Variants in PPP1R16B observed in about 807,000 individuals in gnomAD.
The protein encoded by PPP1R16B is protein phosphatase 1 regulatory subunit 16B.
In PPP1R16B, 14 loss-of-function variants were observed where a neutral mutation model predicts 61.7. The ratio of observed to expected loss-of-function variants is 0.23; its 90% CI spans 0.15 to 0.35. The LOEUF (loss-of-function observed/expected upper bound fraction) is 0.35, where lower values mean the gene tolerates loss of function less well. Ranked by LOEUF, PPP1R16B falls within the 10% of genes least tolerant of loss-of-function variation. The pLI, the probability that PPP1R16B is intolerant of heterozygous loss-of-function variation, is 1.00. For synonymous variants in PPP1R16B, 266 were observed against 305.3 expected, an observed-to-expected ratio of 0.87 and a Z score of 1.34; for missense variants, 547 against 752.5, an observed-to-expected ratio of 0.73 and a Z score of 3.19.
chr20:38,912,503 CAAA>C (rs58456397), intron 10 of PPP1R16B, among the ~76,000 whole-genome samples: 20 of 80,998 alleles, frequency 2.5e-4, no homozygotes, highest in African/African-American at 2.7e-4. Context: ...TACCCCCCAC[CAAA>C]AAAAAAAAAA....
rs117854622 is a variant in PPP1R16B, at chr20:38,835,429, T to A, written c.-101-396T>A. ...CAAGAAAACTAAAATGGCATGGTTC[T>A]TGTTAAATAGCTGTGGCTAGAGAGG... is the stretch of plus-strand genomic sequence containing the variant. On this transcript the variant is annotated intron_variant, in intron 1 of 10. Coordinates refer to ENST00000299824, the MANE Select transcript of PPP1R16B (RefSeq NM_015568.4). Among the ~76,000 whole-genome samples, 590 of 152,354 alleles carry A rather than the reference T, an allele frequency of 3.9e-3. 17 individuals are homozygous for A. In the East Asian group the frequency reaches 0.072, roughly 19 times the overall value.
chr20:38,899,018 C>A (rs945241754), intron 4 of PPP1R16B, among the ~76,000 whole-genome samples: 8 of 152,108 alleles, frequency 5.3e-5, no homozygotes, highest in Non-Finnish European at 1.5e-5. Context: ...AGAGCCAGAC[C>A]AGGGGGCTGA....
chr20:38,900,293 A>G (rs2085381449), intron 4 of PPP1R16B, among the ~76,000 whole-genome samples: 1 of 152,208 alleles, frequency 6.6e-6, no homozygotes, highest in Admixed American at 6.5e-5. Context: ...TCTGTCCCTA[A>G]GTCCCTGCCT....
intron 4 of PPP1R16B, among the ~76,000 whole-genome samples, chr20:38,897,932 A>G (rs758626045): frequency 2.6e-5 from 4 of 152,146 alleles, no homozygotes; most frequent in Non-Finnish European, 4.4e-5. Flanking sequence ...TCCTTTGTCC[A>G]TGTTTGAACT....
Position 38,918,253 on chromosome 20 carries a change from C to T in PPP1R16B, c.1291C>T (p.Pro431Ser), listed in dbSNP as rs2085557823. ...DMPVENGLRA[P>S]VSAYQYALAN... ...GCCTGTTGAGAATGGCCTCCGGGCT[C>T]CGGTCAGTGCCTACCAGTATGCGCT... Residue 431 changes from proline to serine, a missense_variant, in exon 11 of 11, where the codon CCG becomes TCG. Transcript: ENST00000299824. This position sits in a 1 kb window ranked among gnomAD's most constrained non-coding sequence, Gnocchi z 5.3. The T allele has an allele frequency of 6.2e-7, 1 of 1,614,124 alleles. No homozygotes were observed. The highest frequency in any genetic ancestry group is 1.3e-5 in the African/African-American group (1 of 74,944).
At chr20:38,859,831 T>TA (rs1330988526) in intron 2 of PPP1R16B, among the ~76,000 whole-genome samples, 11 of 152,208 alleles carry the variant, frequency 7.2e-5, no homozygotes, top group African/African-American at 2.2e-4. Context: ...TTTTAAAAGG[T>TA]AAAAAAATAA....
chr20:38,913,669 G>T (rs1178424335), intron 10 of PPP1R16B, among the ~76,000 whole-genome samples: 1 of 152,204 alleles, frequency 6.6e-6, no homozygotes, highest in African/African-American at 2.4e-5. Context: ...CAAGGAGAAA[G>T]GAGTTCGTTT....
intron 10 of PPP1R16B, among the ~76,000 whole-genome samples, chr20:38,916,260 T>G (rs1195660578): frequency 2.7e-5 from 4 of 147,412 alleles, no homozygotes; most frequent in African/African-American, 1.0e-4. Context: ...GAAAGTGTTC[T>G]TTGCCTTATC....
chr20:38,897,708 C>A (rs1043607385), intron 4 of PPP1R16B, among the ~76,000 whole-genome samples: 1 of 152,206 alleles, frequency 6.6e-6, no homozygotes, highest in Non-Finnish European at 1.5e-5. Context: ...TACATTCCCA[C>A]CAACAGTACA....
In PPP1R16B at chr20:38,901,132, T is replaced by C. The variant is rs1265156562; in HGVS notation, c.571+448T>C. On this transcript the variant is annotated intron_variant, in intron 5 of 10. Transcript: ENST00000299824. ...GGCTGTTCTCAACTCACAAATGAGG[T>C]TCAGAAAGGAAACAGATGCAGCAAT... Among the ~76,000 whole-genome samples the C allele has an allele frequency of 2.0e-5, 3 of 152,056 alleles. No individual in the cohort carries two copies. The East Asian group carries it at 5.8e-4, about 29-fold the overall frequency.
intron 2 of PPP1R16B, among the ~76,000 whole-genome samples, chr20:38,859,188 G>A (rs760168550): frequency 3.7e-4 from 57 of 152,152 alleles, no homozygotes; most frequent in East Asian, 9.6e-4. Flanking sequence ...TACCTGCTGC[G>A]GCATTTTGAA....
intron 1 of PPP1R16B, among the ~76,000 whole-genome samples, chr20:38,834,398 A>G (rs2084855941): frequency 6.6e-6 from 1 of 152,216 alleles, no homozygotes. Flanking sequence ...GAGAGGATCA[A>G]GTGATTGTCC....
At chr20:38,884,747 G>A (rs2145755671) in intron 2 of PPP1R16B, among the ~76,000 whole-genome samples, 1 of 152,126 alleles carries the variant, frequency 6.6e-6, no homozygotes, top group East Asian at 1.9e-4. Context: ...AGTCCAGCCT[G>A]GGCAACATAG....
chr20:38,839,262 C>T (rs979307541), intron 2 of PPP1R16B, among the ~76,000 whole-genome samples: 6 of 152,152 alleles, frequency 3.9e-5, no homozygotes, highest in African/African-American at 1.4e-4. Flanking sequence ...TGAAAGCTTG[C>T]CCTCAAGAGG....
At chr20:38,906,291 T>G (rs962580292) in intron 7 of PPP1R16B, among the ~76,000 whole-genome samples, 197 bp downstream of exon 7, 5 of 121,452 alleles carry the variant, frequency 4.1e-5, no homozygotes, top group Non-Finnish European at 7.2e-5. Context: ...GTGTTTTTTT[T>G]TTTTTTTTTT....
intron 1 of PPP1R16B, 146 bp from the exon 2 acceptor site, chr20:38,835,679 G>T: frequency 2.0e-6 from 1 of 488,292 alleles, no homozygotes; most frequent in Non-Finnish European, 3.6e-6. Flanking sequence ...ATACTTACAG[G>T]GCCACTGTAA....
chr20:38,840,972 T>A (rs2084905682), intron 2 of PPP1R16B, among the ~76,000 whole-genome samples: 2 of 152,224 alleles, frequency 1.3e-5, no homozygotes, highest in Non-Finnish European at 2.9e-5. Context: ...TACATTTACG[T>A]AATCTATTAT....
At chr20:38,886,656 G>T (rs1465453379) in intron 2 of PPP1R16B, among the ~76,000 whole-genome samples, 1 of 152,240 alleles carries the variant, frequency 6.6e-6, no homozygotes, top group African/African-American at 2.4e-5. Context: ...CTAACACCAG[G>T]CACTGGGTCT....
chr20:38,851,598 C>T (rs907941118), intron 2 of PPP1R16B, among the ~76,000 whole-genome samples: 1 of 152,218 alleles, frequency 6.6e-6, no homozygotes, highest in African/African-American at 2.4e-5. Flanking sequence ...TGGACATCAT[C>T]AGGCTGGCAT....
Sources: allele counts gnomAD v4.1 joint callset (sites outside exome capture counted in the v4.1 genomes callset), GRCh38; gene constraint gnomAD v4.1.1; non-coding constraint Gnocchi (gnomAD v3.1); transcripts MANE v1.5; gene names NCBI Gene and HGNC (gene_info 2026-07-23, HGNC 2026-07-21).